Variants in FGFR3 observed in about 807,000 individuals in gnomAD.
FGFR3 encodes the protein FGFR-3.
FGFR3 carries 25 observed loss-of-function variants against 82.9 expected under a neutral mutation model. The observed-to-expected ratio is 0.30, with a 90% confidence interval of 0.22 to 0.42. FGFR3 has a LOEUF of 0.42. Among genes scored for constraint, FGFR3 ranks in the 10% least tolerant of loss-of-function variants. The probability of loss-of-function intolerance (pLI) is 1.00; values close to 1 mark genes in which losing one functional copy is unlikely to be tolerated. For missense variants in FGFR3, 1,026 were observed against 1,161.0 expected (o/e 0.88, Z 1.69); for synonymous variants, 620 against 516.0 (o/e 1.20, Z -2.73).
At position 1,807,354 on chromosome 4, in the gene FGFR3, A is replaced by G. The variant is rs948952498; in HGVS notation, c.*92A>G. 19 of 1,490,592 alleles carry G rather than the reference A, an allele frequency of 1.3e-5. No homozygotes were observed. Among genetic ancestry groups the G allele is most frequent in the African/African-American group, 8.3e-5 (6 of 72,118 alleles). The allele number at this position is 1,490,592 out of a possible 1,614,324, so 92.3% of individuals were successfully genotyped here. A position where few individuals can be genotyped will look rare whatever the true frequency, so the allele number is the denominator to read the frequency against. ...CTCCCCGGCATGAGACTCAGTGCAG[A>G]TGGAGAGACAGCTACACAGAGCTTT... On this transcript the variant is annotated 3_prime_UTR_variant, in exon 18 of 18. Transcript: ENST00000440486.
chr4:1,799,123 C>G, intron 2 of FGFR3, 131 bp from the exon 3 acceptor site: 2 of 1,296,748 alleles, frequency 1.5e-6, no homozygotes, highest in Non-Finnish European at 2.2e-6. Context: ...TTTCCAGCCC[C>G]TGGTCTGGTG....
rs1560452582 is a variant in FGFR3 at position 1,807,402 on chromosome 4, T to TGTGC, written c.*143_*144insCGTG. 1.0e-4 allele frequency: 1 copy of TGTGC among 10,022 alleles called. No individual in the cohort carries two copies. Among genetic ancestry groups the TGTGC allele is most frequent in the Non-Finnish European group, 1.7e-4 (1 of 5,736 alleles). The allele number at this position is 10,022 out of a possible 1,614,324, so 0.6% of individuals were successfully genotyped here. On this transcript the variant is annotated 3_prime_UTR_variant, in exon 18 of 18. Transcript: ENST00000440486. ...TTTGGTCTGTGTGTGTGTGTGTGCG[T>TGTGC]GTGTGTGTGTGTGTGTGCACATCCG...
chr4:1,796,422 A>G (rs1216017702), intron 2 of FGFR3, among the ~76,000 whole-genome samples: 2 of 152,050 alleles, frequency 1.3e-5, no homozygotes, highest in African/African-American at 2.4e-5. Context: ...GCTATTTTAT[A>G]GCTCCTACCT....
chr4:1,805,095 G>A, intron 10 of FGFR3, 126 bp downstream of exon 10: 1 of 1,393,140 alleles, frequency 7.2e-7, no homozygotes, highest in Non-Finnish European at 9.6e-7. Flanking sequence ...GGTGTGGCTG[G>A]GGTTCTGTGG....
intron 7 of FGFR3, among the ~76,000 whole-genome samples, chr4:1,803,313 G>A (rs866013176): frequency 1.3e-5 from 2 of 152,174 alleles, no homozygotes; most frequent in Admixed American, 6.5e-5. Context: ...CCACCGGGCC[G>A]GCTCCGTGCC....
chr4:1,806,216 A>G (rs1386296839), intron 14 of FGFR3, 41 bp from the exon 15 acceptor site: 1 of 1,612,756 alleles, frequency 6.2e-7, no homozygotes, highest in Non-Finnish European at 8.5e-7. Flanking sequence ...TCATGCCAGT[A>G]GGACGCCTGG....
intron 4 of FGFR3, among the ~76,000 whole-genome samples, chr4:1,800,190 G>C (rs1459416574): frequency 6.6e-6 from 1 of 151,694 alleles, no homozygotes. Flanking sequence ...CCGTGGGGTG[G>C]ATGGACCCGG....
chr4:1,803,480 G>T (rs1342193543), intron 7 of FGFR3, among the ~76,000 whole-genome samples: 1 of 152,252 alleles, frequency 6.6e-6, no homozygotes, highest in Non-Finnish European at 1.5e-5. Flanking sequence ...TGGGACAGAG[G>T]ACTCGCCGGT....
At chr4:1,797,326 G>A (rs1171440208) in intron 2 of FGFR3, among the ~76,000 whole-genome samples, 1 of 152,164 alleles carries the variant, frequency 6.6e-6, no homozygotes, top group African/African-American at 2.4e-5. Context: ...TCCTTCACCT[G>A]GTGCTCGCCA....
rs868599579 is a variant in FGFR3, at chr4:1,804,369, T to C, written c.1115T>C (p.Val372Ala). 5 of 1,612,412 alleles carry C rather than the reference T, an allele frequency of 3.1e-6. No homozygotes were observed. In the Middle Eastern group the frequency reaches 8.3e-4, roughly 266 times the overall value. ...GTGGAGGCTGACGAGGCGGGCAGTG[T>C]GTATGCAGGCATCCTCAGCTACGGG... ...ELVEADEAGS[V>A]YAGILSYGVG... The change falls in exon 9 of 18, where the codon GTG becomes GCG. Residue 372 changes from valine (V) to alanine (A), a missense_variant. Val to Ala is a moderately conservative substitution (Grantham distance 64). Coordinates refer to ENST00000440486, the MANE Select transcript of FGFR3 (RefSeq NM_000142.5).
chr4:1,807,410 T>C lies in FGFR3; in HGVS notation c.*148T>C. 8.6e-7 allele frequency: 1 copy of C among 1,168,638 alleles called. No individual in the cohort carries two copies. Among genetic ancestry groups the C allele is most frequent in the Non-Finnish European group, 1.2e-6 (1 of 813,356 alleles). The allele number at this position is 1,168,638 out of a possible 1,614,324, so 72.4% of individuals were successfully genotyped here. ...GTGTGTGTGTGTGTGCGTGTGTGTG[T>C]GTGTGTGTGCACATCCGCGTGTGCC... On this transcript the variant is annotated 3_prime_UTR_variant, in exon 18 of 18. Coordinates refer to ENST00000440486, the MANE Select transcript of FGFR3 (RefSeq NM_000142.5).
At chr4:1,803,485 G>C (rs1721462037) in intron 7 of FGFR3, among the ~76,000 whole-genome samples, 2 of 152,250 alleles carry the variant, frequency 1.3e-5, no homozygotes, top group African/African-American at 4.8e-5. Context: ...CAGAGGACTC[G>C]CCGGTGGAGG....
At chr4:1,793,674 C>G (rs1720104359) in intron 1 of FGFR3, among the ~76,000 whole-genome samples, 159 bp from the exon 2 acceptor site, 1 of 137,362 alleles carries the variant, frequency 7.3e-6, no homozygotes, top group African/African-American at 2.6e-5. Flanking sequence ...GGGACCGCGG[C>G]GGGGAGGAGG....
intron 10 of FGFR3, 46 bp downstream of exon 10, chr4:1,805,015 TGGG>T (rs763913448): frequency 6.6e-7 from 1 of 1,514,272 alleles, no homozygotes; most frequent in Admixed American, 2.0e-5. Flanking sequence ...GGCTTGGTGG[TGGG>T]GGTGAAACAG....
chr4:1,802,502 A>G (rs1721317880), intron 7 of FGFR3, among the ~76,000 whole-genome samples: 1 of 152,178 alleles, frequency 6.6e-6, no homozygotes. Context: ...GGTGGGGGCC[A>G]CTGAATTGGG....
Position 1,806,918 on chromosome 4 carries a change from C to T in FGFR3, c.2258C>T (p.Thr753Ile), listed in dbSNP as rs1220505525. The T allele has an allele frequency of 1.9e-6, 3 of 1,609,388 alleles. No individual in the cohort carries two copies. Among genetic ancestry groups the T allele is most frequent in the Non-Finnish European group, 2.5e-6 (3 of 1,178,608 alleles). ...GTGGAGGACCTGGACCGTGTCCTTA[C>T]CGTGACGTCCACCGACGTGAGTGCT... ...QLVEDLDRVL[T>I]VTSTDEYLDL... Residue 753 changes from threonine (T) to isoleucine (I), a missense_variant, in exon 17 of 18, where the codon ACC becomes ATC. Thr to Ile is a moderately conservative substitution (Grantham distance 89). This residue lies in a region of FGFR3 where 155 missense variants were observed against 150.2 expected (regional missense o/e 1.03). Transcript: ENST00000440486.
At position 1,802,563 on chromosome 4, in the gene FGFR3, C is replaced by T. The variant is rs1054842765; in HGVS notation, c.930+538C>T. Among the ~76,000 whole-genome samples the T allele has an allele frequency of 1.2e-4, 18 of 152,342 alleles. No homozygotes were observed. In the South Asian group the frequency reaches 1.7e-3, roughly 14 times the overall value. On this transcript the variant is annotated intron_variant, in intron 7 of 17. Coordinates refer to ENST00000440486, the MANE Select transcript of FGFR3 (RefSeq NM_000142.5). ...GAGAAACATCTGTTCAGAGAGAAGA[C>T]GGTCTCTTGGGGGCGGGGAGCAGGC...
At position 1,805,687 on chromosome 4, in the gene FGFR3, G is replaced by C. The variant is rs1560439481; in HGVS notation, c.1645+18G>C. 1 of 1,611,360 alleles carries C rather than the reference G, an allele frequency of 6.2e-7. No homozygotes were observed. Among genetic ancestry groups the C allele is most frequent in the Middle Eastern group, 1.7e-4 (1 of 6,046 alleles). On this transcript the variant is annotated intron_variant, in intron 12 of 17. Transcript: ENST00000440486. ...GCAGGGCGGTAGGTGCGGTAGCGGC[G>C]GTGGTGCCGGCTGGGCGGCCCTCCT...
intron 2 of FGFR3, among the ~76,000 whole-genome samples, chr4:1,795,433 C>T (rs1577257324): frequency 1.3e-5 from 2 of 152,016 alleles, no homozygotes; most frequent in East Asian, 3.9e-4. Flanking sequence ...CCACCCCTCC[C>T]CCGGGGCGGC....
Sources: allele counts gnomAD v4.1 joint callset (sites outside exome capture counted in the v4.1 genomes callset), GRCh38; gene constraint gnomAD v4.1.1; regional missense constraint gnomAD v4.1.1; transcripts MANE v1.5; gene names NCBI Gene and HGNC (gene_info 2026-07-23, HGNC 2026-07-21).